The following SGCZ variants were observed in gnomAD, a reference collection of about 807,000 sequenced individuals.
SGCZ encodes sarcoglycan zeta.
SGCZ carries 40 observed loss-of-function variants against 41.3 expected under a neutral mutation model. The ratio of observed to expected loss-of-function variants is 0.97; its 90% CI spans 0.75 to 1.26. The LOEUF (loss-of-function observed/expected upper bound fraction) is 1.26. SGCZ is among the 50% of genes most tolerant of loss of function. SGCZ has a pLI of 0.00. For synonymous variants in SGCZ, 206 were observed against 137.5 expected, an observed-to-expected ratio of 1.50 and a Z score of -3.49; for missense variants, 552 against 369.8, an observed-to-expected ratio of 1.49 and a Z score of -4.04.
intron 2 of SGCZ, among the ~76,000 whole-genome samples, chr8:14,510,837 C>T (rs1046042654): frequency 6.6e-6 from 1 of 151,990 alleles, no homozygotes; most frequent in African/African-American, 2.4e-5. Flanking sequence ...AGCCTTTTGC[C>T]AGTTTTACAA....
intron 1 of SGCZ, among the ~76,000 whole-genome samples, chr8:14,649,352 T>G (rs1010692921): frequency 4.6e-5 from 7 of 152,062 alleles, no homozygotes; most frequent in African/African-American, 1.7e-4. Context: ...AAGCTGGGTG[T>G]TTTCCAGATA....
intron 1 of SGCZ, among the ~76,000 whole-genome samples, chr8:14,867,738 G>A (rs570648380): frequency 5.5e-4 from 84 of 152,114 alleles, no homozygotes; most frequent in Middle Eastern, 6.8e-3. Flanking sequence ...GGACCGAGGG[G>A]AACAACACAC....
At chr8:14,335,039 A>G (rs1802462507) in intron 2 of SGCZ, among the ~76,000 whole-genome samples, 2 of 152,122 alleles carry the variant, frequency 1.3e-5, no homozygotes, top group African/African-American at 4.8e-5. Flanking sequence ...GAGAAAGGAC[A>G]GAAAGCACAT....
intron 1 of SGCZ, among the ~76,000 whole-genome samples, chr8:14,865,025 C>T (rs1367646999): frequency 6.6e-6 from 1 of 151,832 alleles, no homozygotes; most frequent in East Asian, 1.9e-4. Flanking sequence ...AATTGAGTTC[C>T]CTGCATATTC....
At chr8:14,417,687 T>C (rs1175905705) in intron 2 of SGCZ, among the ~76,000 whole-genome samples, 1 of 151,922 alleles carries the variant, frequency 6.6e-6, no homozygotes, top group Non-Finnish European at 1.5e-5. Flanking sequence ...TATTGTACTC[T>C]TGAAATTTGC....
chr8:14,938,714 G>A (rs1425613057), intron 1 of SGCZ, among the ~76,000 whole-genome samples: 2 of 152,108 alleles, frequency 1.3e-5, no homozygotes, highest in Non-Finnish European at 2.9e-5. Context: ...CTTGGATGGA[G>A]CTGGAGGCCA....
intron 1 of SGCZ, among the ~76,000 whole-genome samples, chr8:14,711,528 G>A (rs984104642): frequency 1.3e-5 from 2 of 148,664 alleles, no homozygotes; most frequent in Non-Finnish European, 3.0e-5. Context: ...CTTGAATCCA[G>A]GAGGCAGAGG....
At chr8:14,984,730 T>C (rs373501560) in intron 1 of SGCZ, among the ~76,000 whole-genome samples, 5 of 152,198 alleles carry the variant, frequency 3.3e-5, no homozygotes, top group Admixed American at 2.0e-4. Context: ...TTCTAATTTA[T>C]GTAATGTTCT....
intron 1 of SGCZ, among the ~76,000 whole-genome samples, chr8:14,841,603 C>T (rs181016364): frequency 3.3e-5 from 5 of 151,950 alleles, no homozygotes; most frequent in Admixed American, 6.6e-5. Flanking sequence ...TTTATTTCGG[C>T]GTTAAACTAA....
chr8:15,218,690 C>T (rs1479972507), intron 1 of SGCZ, among the ~76,000 whole-genome samples: 1 of 152,162 alleles, frequency 6.6e-6, no homozygotes, highest in Non-Finnish European at 1.5e-5. Context: ...TCATGTTTCA[C>T]TCATTTCACC....
intron 2 of SGCZ, among the ~76,000 whole-genome samples, chr8:14,521,745 T>A (rs1223635858): frequency 6.6e-6 from 1 of 152,142 alleles, no homozygotes; most frequent in Non-Finnish European, 1.5e-5. Flanking sequence ...TTAGAACGGC[T>A]GTTCCATTTT....
intron 2 of SGCZ, among the ~76,000 whole-genome samples, chr8:14,542,267 C>G (rs1469074415): frequency 6.6e-6 from 1 of 151,906 alleles, no homozygotes; most frequent in Non-Finnish European, 1.5e-5. Flanking sequence ...AGTTTTCTTT[C>G]TAATATCTTA....
intron 1 of SGCZ, among the ~76,000 whole-genome samples, chr8:14,726,882 A>T (rs10095308): frequency 0.052 from 7,954 of 152,150 alleles, 693 homozygotes; most frequent in African/African-American, 0.18. Context: ...TATAAATATT[A>T]TTCAACAAAT....
chr8:14,374,711 T>C (rs1189209454), intron 2 of SGCZ, among the ~76,000 whole-genome samples: 3 of 152,088 alleles, frequency 2.0e-5, no homozygotes, highest in Non-Finnish European at 4.4e-5. Flanking sequence ...GGTGCAGTAG[T>C]CAGATAATTG....
Position 14,439,692 on chromosome 8 carries a change from C to T in SGCZ, c.234+115040G>A, listed in dbSNP as rs79803841. Among the ~76,000 whole-genome samples the T allele has an allele frequency of 2.3e-3, 354 of 151,864 alleles. 2 individuals carry two copies. Among genetic ancestry groups the T allele is most frequent in the African/African-American group, 8.0e-3 (330 of 41,450 alleles). On this transcript the variant is annotated intron_variant, in intron 2 of 7. Transcript: ENST00000382080. The stretch of plus-strand genomic sequence containing the variant: ...AAGAAAAATTACATTATCATATGAA[C>T]TGATAGAGAATAAAATTGACAAATT...
intron 1 of SGCZ, among the ~76,000 whole-genome samples, chr8:14,921,718 T>G (rs1799593850): frequency 6.6e-6 from 1 of 152,138 alleles, no homozygotes; most frequent in African/African-American, 2.4e-5. Flanking sequence ...GTCAAAAAAT[T>G]GAACATCTGC....
At chr8:14,702,935 A>AGAT (rs1230391673) in intron 1 of SGCZ, among the ~76,000 whole-genome samples, 6 of 115,032 alleles carry the variant, frequency 5.2e-5, no homozygotes, top group Admixed American at 2.0e-4. Context: ...GTAGATAGAT[A>AGAT]GATAGATAGA....
intron 5 of SGCZ, among the ~76,000 whole-genome samples, chr8:14,140,674 A>C (rs900526996): frequency 4.6e-5 from 7 of 152,104 alleles, no homozygotes; most frequent in Non-Finnish European, 1.0e-4. Flanking sequence ...TAAAAGAGGA[A>C]ACAAACAAAT....
chr8:14,680,298 A>C (rs373789641), intron 1 of SGCZ, among the ~76,000 whole-genome samples: 19 of 152,248 alleles, frequency 1.2e-4, no homozygotes, highest in African/African-American at 4.6e-4. Flanking sequence ...TAAACTTAAC[A>C]AAACCCATAG....
Sources: allele counts gnomAD v4.1 joint callset (sites outside exome capture counted in the v4.1 genomes callset), GRCh38; gene constraint gnomAD v4.1.1; transcripts MANE v1.5; gene names NCBI Gene and HGNC (gene_info 2026-07-23, HGNC 2026-07-21).